PALM: variants seen among roughly 807,000 people sequenced by gnomAD.
The protein encoded by PALM is paralemmin-1.
Under a neutral mutation model 30.7 loss-of-function variants are expected in PALM, and 18 were observed. That is an observed-to-expected ratio of 0.59 (90% confidence interval 0.41 to 0.87). The LOEUF (loss-of-function observed/expected upper bound fraction) is 0.87, where lower values mean the gene tolerates loss of function less well. Ranked by LOEUF, PALM falls within the 40% of genes least tolerant of loss-of-function variation. PALM has a pLI of 0.00. For missense variants in PALM, 529 were observed against 555.4 expected, an observed-to-expected ratio of 0.95 and a Z score of 0.48; for synonymous variants, 286 against 242.8, an observed-to-expected ratio of 1.18 and a Z score of -1.66.
Position 726,147 on chromosome 19 carries a change from G to A in PALM, c.15G>A (p.Ala5=), listed in dbSNP as rs772579330. The change falls in exon 2 of 9, where the codon GCG becomes GCA. Residue 5 remains alanine, a synonymous_variant. Coordinates refer to ENST00000338448, the MANE Select transcript of PALM (RefSeq NM_002579.3). MEVL[A]AETTSQQERL... Reference sequence around the variant, plus strand: ...TATCTCCCTCCCGCAGGGTCCTGGCGGCAGAGACCACGTCCCAGCAGGAGC... The same window carrying A: ...TATCTCCCTCCCGCAGGGTCCTGGCAGCAGAGACCACGTCCCAGCAGGAGC... The A allele has an allele frequency of 1.4e-5, 22 of 1,612,872 alleles. No individual in the cohort carries two copies. The highest frequency in any genetic ancestry group is 1.6e-4 in the Middle Eastern group (1 of 6,076).
At chr19:725,988 C>T (rs2032648303) in intron 1 of PALM, 150 bp from the exon 2 acceptor site, 2 of 677,998 alleles carry the variant, frequency 2.9e-6, no homozygotes, top group South Asian at 3.5e-5. Context: ...CAGGGAGGGC[C>T]CCACTTTACA....
chr19:739,130 A>G (rs1417936973), intron 7 of PALM, among the ~76,000 whole-genome samples: 9 of 152,068 alleles, frequency 5.9e-5, no homozygotes, highest in African/African-American at 2.4e-5. Flanking sequence ...TGCAGGAATG[A>G]TTTTTACAGA....
rs533326141 is a variant in PALM, at chr19:746,713, G to A, written c.1063G>A (p.Ala355Thr). The change falls in exon 9 of 9, where the codon GCC becomes ACC. Residue 355 changes from alanine (A) to threonine (T), a missense_variant. Physicochemically the swap from Ala to Thr is moderately conservative, Grantham distance 58. Coordinates refer to ENST00000338448, the MANE Select transcript of PALM (RefSeq NM_002579.3). This position sits in a 1 kb window ranked among gnomAD's most constrained non-coding sequence, Gnocchi z 7.1. The part of the protein sequence containing the change: ...GSAAEPPTEA[A>T]SREENQAGPE... The stretch of plus-strand genomic sequence containing the variant: ...TGCTGCCGAGCCTCCCACGGAGGCC[G>A]CCTCCAGGGAAGAGAATCAGGCGGG... 61 of 1,606,634 alleles carry A rather than the reference G, an allele frequency of 3.8e-5. No individual in the cohort carries two copies. In the East Asian group the frequency reaches 7.2e-4, roughly 19 times the overall value.
chr19:743,789 C>T lies in PALM; in HGVS notation c.635-2496C>T, dbSNP rs143810455. 9.0e-3 allele frequency among the ~76,000 whole-genome samples: 1,376 copies of T among 152,264 alleles called. 9 individuals carry two copies. Among genetic ancestry groups the T allele is most frequent in the Admixed American group, 0.018 (280 of 15,290 alleles). On this transcript the variant is annotated intron_variant, in intron 8 of 8. Transcript: ENST00000338448. The stretch of plus-strand genomic sequence containing the variant: ...GAAATCCGGTCCTTGGAGAGTCCAA[C>T]ACACCTCAAGAAATGTCAAGTCAGA...
chr19:734,027 C>T (rs1599158354), intron 5 of PALM, 146 bp from the exon 6 acceptor site: 6 of 675,322 alleles, frequency 8.9e-6, no homozygotes, highest in South Asian at 5.1e-5. Context: ...TGTTTCTGGC[C>T]AGAGTCCCAA....
intron 1 of PALM, among the ~76,000 whole-genome samples, chr19:710,129 C>G (rs926400362): frequency 6.6e-6 from 1 of 152,154 alleles, no homozygotes; most frequent in Non-Finnish European, 1.5e-5. Context: ...CCACCCCAGC[C>G]CGAGGACCGA....
intron 7 of PALM, 97 bp from the exon 8 acceptor site, chr19:740,255 T>C: frequency 7.8e-7 from 1 of 1,279,688 alleles, no homozygotes; most frequent in South Asian, 1.5e-5. Context: ...TGCTTGGCTC[T>C]GCGCTGCTGG....
chr19:741,615 G>T (rs568229464), intron 8 of PALM, among the ~76,000 whole-genome samples: 3 of 152,104 alleles, frequency 2.0e-5, no homozygotes, highest in Non-Finnish European at 4.4e-5. Context: ...CTGGGCTCAC[G>T]CAGGGAGGAG....
chr19:717,891 T>C (rs2144853692), intron 1 of PALM, among the ~76,000 whole-genome samples: 1 of 152,196 alleles, frequency 6.6e-6, no homozygotes, highest in Admixed American at 6.6e-5. Flanking sequence ...AATGACACAG[T>C]TGCTGTCCTA....
chr19:734,242 CCA>C, intron 6 of PALM, 48 bp downstream of exon 6: 1 of 1,585,046 alleles, frequency 6.3e-7, no homozygotes, highest in Non-Finnish European at 8.7e-7. Context: ...ACTCTGGTGG[CCA>C]GAGAGGGGAT....
intron 7 of PALM, among the ~76,000 whole-genome samples, chr19:739,697 T>C (rs185679886): frequency 9.3e-5 from 14 of 151,324 alleles, no homozygotes; most frequent in Admixed American, 4.6e-4. Context: ...AATAATAGGC[T>C]GGGCGCGGTG....
chr19:711,072 A>G, intron 1 of PALM: 1 of 459,640 alleles, frequency 2.2e-6, no homozygotes, highest in African/African-American at 2.1e-5. Context: ...TCTCGCTGGA[A>G]AGTTTCACAA....
chr19:746,706 G>T lies in PALM; in HGVS notation c.1056G>T (p.Thr352=), dbSNP rs762119520. The change falls in exon 9 of 9, where the codon ACG becomes ACT. Residue 352 remains threonine, a synonymous_variant. Coordinates refer to ENST00000338448, the MANE Select transcript of PALM (RefSeq NM_002579.3). The surrounding 1 kb of genome is among the most constrained non-coding windows in gnomAD (Gnocchi z 7.1). ...PPNGSAAEPP[T]EAASREENQA... ...ACGGCAGTGCTGCCGAGCCTCCCACGGAGGCCGCCTCCAGGGAAGAGAATC... is the reference window on the plus strand; with the variant it reads ...ACGGCAGTGCTGCCGAGCCTCCCACTGAGGCCGCCTCCAGGGAAGAGAATC... 6.2e-7 allele frequency: 1 copy of T among 1,608,616 alleles called. No individual in the cohort carries two copies.
At chr19:743,481 A>G (rs2033249808) in intron 8 of PALM, among the ~76,000 whole-genome samples, 1 of 152,194 alleles carries the variant, frequency 6.6e-6, no homozygotes, top group South Asian at 2.1e-4. Flanking sequence ...TGATCCAGAC[A>G]CACCCCACCC....
intron 8 of PALM, among the ~76,000 whole-genome samples, chr19:741,696 C>T (rs957031708): frequency 2.0e-5 from 3 of 151,986 alleles, no homozygotes; most frequent in African/African-American, 4.8e-5. Flanking sequence ...GCCTTGGGTG[C>T]GTTGGGTCCT....
chr19:722,160 C>T (rs566714466), intron 1 of PALM, among the ~76,000 whole-genome samples: 44 of 151,852 alleles, frequency 2.9e-4, no homozygotes, highest in East Asian at 7.8e-4. Flanking sequence ...CCTCGTGATC[C>T]GCCCGCCTCG....
At chr19:712,679 G>GT (rs2032121423) in intron 1 of PALM, among the ~76,000 whole-genome samples, 5 of 138,878 alleles carry the variant, frequency 3.6e-5, no homozygotes, top group Admixed American at 7.0e-5. Context: ...CGCCATGCCT[G>GT]GTTTTTTTTT....
rs2033371344 is a variant in PALM at position 747,091 on chromosome 19, TC to T, written c.*278del. 4 of 391,238 alleles carry T rather than the reference TC, an allele frequency of 1.0e-5. No individual in the cohort carries two copies. The highest frequency in any genetic ancestry group is 1.8e-5 in the Non-Finnish European group (4 of 216,506). 24.2% of individuals were successfully genotyped at this position (391,238 alleles called of 1,614,324 possible). A position where few individuals can be genotyped will look rare whatever the true frequency, so the allele number is the denominator to read the frequency against. On this transcript the variant is annotated 3_prime_UTR_variant, in exon 9 of 9. Coordinates refer to ENST00000338448, the MANE Select transcript of PALM (RefSeq NM_002579.3). Reference sequence around the variant, plus strand: ...TTTCCCGAGACAAGGACCCCCCATGTCACGGCAGCTTCACAGACGCGGCTCG... The same window carrying T: ...TTTCCCGAGACAAGGACCCCCCATGTACGGCAGCTTCACAGACGCGGCTCG...
intron 7 of PALM, among the ~76,000 whole-genome samples, chr19:737,269 G>A (rs957700070): frequency 1.2e-4 from 19 of 152,222 alleles, no homozygotes; most frequent in African/African-American, 4.6e-4. Context: ...CAGACACCGA[G>A]GCCCAGGTCC....
Sources: allele counts gnomAD v4.1 joint callset (sites outside exome capture counted in the v4.1 genomes callset), GRCh38; gene constraint gnomAD v4.1.1; non-coding constraint Gnocchi (gnomAD v3.1); transcripts MANE v1.5; gene names NCBI Gene and HGNC (gene_info 2026-07-23, HGNC 2026-07-21).